The following SHOC2 variants were observed in gnomAD, a reference collection of about 807,000 sequenced individuals.
The protein encoded by SHOC2 is leucine-rich repeat protein SHOC-2.
A neutral mutation model predicts 50.2 loss-of-function variants in SHOC2; 4 were observed. The observed-to-expected ratio is 0.08, with a 90% confidence interval of 0.04 to 0.18. The LOEUF is 0.18. Among genes scored for constraint, SHOC2 ranks in the 10% least tolerant of loss-of-function variants. SHOC2 has a pLI of 1.00. For synonymous variants in SHOC2, 218 were observed against 244.5 expected, an observed-to-expected ratio of 0.89 and a Z score of 1.01; for missense variants, 388 against 669.6, an observed-to-expected ratio of 0.58 and a Z score of 4.64.
intron 1 of SHOC2, among the ~76,000 whole-genome samples, chr10:110,953,930 A>G (rs1847407833): frequency 6.6e-6 from 1 of 151,046 alleles, no homozygotes; most frequent in Admixed American, 6.6e-5. Flanking sequence ...TATTTAACCT[A>G]AGTGAAGTCA....
intron 2 of SHOC2, among the ~76,000 whole-genome samples, chr10:110,966,276 T>C (rs1253087352): frequency 6.6e-6 from 1 of 152,122 alleles, no homozygotes; most frequent in East Asian, 1.9e-4. Flanking sequence ...TAATATACTG[T>C]AGAGTATGAC....
In SHOC2 at chr10:111,009,286, C is replaced by T; in HGVS notation, c.1323C>T (p.Pro441=). Reference sequence around the variant, plus strand: ...CAAACAATCTTCTAAAGAAGCTTCCCCATGGTCTTGGAAACCTTAGGAAGT... The same window carrying T: ...CAAACAATCTTCTAAAGAAGCTTCCTCATGGTCTTGGAAACCTTAGGAAGT... The part of the protein sequence containing the change: ...ILSNNLLKKL[P]HGLGNLRKLR... Residue 441 remains proline, a synonymous_variant, in exon 7 of 9, where the codon CCC becomes CCT. Coordinates refer to ENST00000369452, the MANE Select transcript of SHOC2 (RefSeq NM_007373.4). The T allele has an allele frequency of 6.3e-7, 1 of 1,589,956 alleles. No individual in the cohort carries two copies. Among genetic ancestry groups the T allele is most frequent in the East Asian group, 2.2e-5 (1 of 44,578 alleles).
intron 1 of SHOC2, among the ~76,000 whole-genome samples, chr10:110,960,216 C>G (rs1047799465): frequency 1.3e-5 from 2 of 152,204 alleles, no homozygotes; most frequent in Non-Finnish European, 2.9e-5. Context: ...AACACAGCCA[C>G]TCTTACTCAT....
chr10:110,953,786 A>T (rs1329712894), intron 1 of SHOC2, among the ~76,000 whole-genome samples: 1 of 151,650 alleles, frequency 6.6e-6, no homozygotes, highest in African/African-American at 2.4e-5. Context: ...TAAACCTACC[A>T]TCTTATGCCA....
Position 110,978,817 on chromosome 10 carries a change from T to G in SHOC2, c.704-6811T>G, listed in dbSNP as rs532532969. On this transcript the variant is annotated intron_variant, in intron 2 of 8. Coordinates refer to ENST00000369452, the MANE Select transcript of SHOC2 (RefSeq NM_007373.4). ...ACTCTTATAACCCTGAACTCTGTCC[T>G]TTGGCTTCTTAGGCAGTAGGACTCT... Among the ~76,000 whole-genome samples the G allele has an allele frequency of 5.3e-4, 80 of 152,358 alleles. No individual in the cohort carries two copies. The Middle Eastern group carries it at 0.014, about 26-fold the overall frequency.
intron 1 of SHOC2, among the ~76,000 whole-genome samples, chr10:110,922,717 C>A (rs1168079808): frequency 5.3e-5 from 8 of 151,960 alleles, no homozygotes; most frequent in Non-Finnish European, 2.9e-5. Flanking sequence ...ACTCACAAAT[C>A]CTTCAGTGAG....
At chr10:110,971,728 T>C (rs1847786352) in intron 2 of SHOC2, among the ~76,000 whole-genome samples, 1 of 152,174 alleles carries the variant, frequency 6.6e-6, no homozygotes, top group Non-Finnish European at 1.5e-5. Flanking sequence ...TTCATTGTTT[T>C]ACAGTTTTCA....
At chr10:110,984,782 A>G (rs1160762863) in intron 2 of SHOC2, among the ~76,000 whole-genome samples, 1 of 152,218 alleles carries the variant, frequency 6.6e-6, no homozygotes, top group Non-Finnish European at 1.5e-5. Context: ...TTAGAGTCCT[A>G]GTAAATTGAG....
chr10:110,975,158 CTTTT>C (rs200869891), intron 2 of SHOC2, among the ~76,000 whole-genome samples: 4 of 143,122 alleles, frequency 2.8e-5, no homozygotes, highest in African/African-American at 5.1e-5. Context: ...TCCCATGTTA[CTTTT>C]TTTTTTTTTT....
chr10:110,988,217 T>A (rs1010829911), intron 3 of SHOC2, among the ~76,000 whole-genome samples: 2 of 152,130 alleles, frequency 1.3e-5, no homozygotes, highest in African/African-American at 4.8e-5. Flanking sequence ...TGGTTTTTGG[T>A]TTCAGGGTAA....
chr10:111,000,876 C>T (rs932440433), intron 4 of SHOC2, among the ~76,000 whole-genome samples: 14 of 152,156 alleles, frequency 9.2e-5, no homozygotes, highest in African/African-American at 3.4e-4. Context: ...TAAGGAAAAA[C>T]TATATGGCTG....
intron 3 of SHOC2, among the ~76,000 whole-genome samples, chr10:110,994,558 A>G (rs1848237078): frequency 6.6e-6 from 1 of 152,200 alleles, no homozygotes. Context: ...AACACTTTAC[A>G]ATGGTTAAAT....
chr10:110,981,151 G>A (rs1036885275), intron 2 of SHOC2, among the ~76,000 whole-genome samples: 3 of 152,214 alleles, frequency 2.0e-5, no homozygotes, highest in African/African-American at 7.2e-5. Flanking sequence ...CTTTAATGGT[G>A]AAATTTTATA....
rs376101415 is a variant in SHOC2 at position 110,936,589 on chromosome 10, C to CTT, written c.-235+16946_-235+16947dup. 7.1e-4 allele frequency: 299 copies of CTT among 423,194 alleles called. 3 individuals are homozygous for CTT. Among genetic ancestry groups the CTT allele is most frequent in the African/African-American group, 3.8e-3 (140 of 36,400 alleles). 26.2% of individuals were successfully genotyped at this position (423,194 alleles called of 1,614,324 possible). On this transcript the variant is annotated intron_variant, in intron 1 of 8. Transcript: ENST00000369452. Reference sequence around the variant, plus strand: ...GGAAAGGGCATGTCCTTTTCTTTTCCTTTTTTTTTTTTTTTAACAGTCTTT... The same window carrying CTT: ...GGAAAGGGCATGTCCTTTTCTTTTCCTTTTTTTTTTTTTTTTTAACAGTCTTT...
intron 2 of SHOC2, among the ~76,000 whole-genome samples, chr10:110,975,620 G>GT (rs1019937799): frequency 1.5e-4 from 23 of 151,768 alleles, no homozygotes; most frequent in African/African-American, 5.6e-4. Flanking sequence ...TTCACGACTA[G>GT]TTTGAGTTTG....
rs538458273 is a variant in SHOC2 at position 111,001,343 on chromosome 10, G to T, written c.972+798G>T. Among the ~76,000 whole-genome samples the T allele has an allele frequency of 2.7e-3, 415 of 151,822 alleles. 1 individual carries two copies. The highest frequency in any genetic ancestry group is 4.9e-3 in the Non-Finnish European group (332 of 67,870). ...TTAATTTTGTATTTTTAGTAGAGAT[G>T]GGGGTTTCACCATGTTGGCCAGGCT... On this transcript the variant is annotated intron_variant, in intron 4 of 8. Transcript: ENST00000369452.
intron 1 of SHOC2, among the ~76,000 whole-genome samples, chr10:110,947,801 C>T (rs1224222383): frequency 7.1e-6 from 1 of 140,948 alleles, no homozygotes; most frequent in Non-Finnish European, 1.5e-5. Context: ...CAAAGGAAAA[C>T]ATTAAGAGAA....
chr10:110,989,551 C>T (rs1034626171), intron 3 of SHOC2, among the ~76,000 whole-genome samples: 1 of 152,196 alleles, frequency 6.6e-6, no homozygotes, highest in Non-Finnish European at 1.5e-5. Context: ...TTGAGGATCT[C>T]AGTAGAACTT....
intron 1 of SHOC2, among the ~76,000 whole-genome samples, chr10:110,961,039 T>C (rs1210152197): frequency 2.0e-5 from 3 of 152,128 alleles, no homozygotes; most frequent in Non-Finnish European, 2.9e-5. Flanking sequence ...AGCTAACATA[T>C]CAAGTGCTTC....
Sources: allele counts gnomAD v4.1 joint callset (sites outside exome capture counted in the v4.1 genomes callset), GRCh38; gene constraint gnomAD v4.1.1; transcripts MANE v1.5; gene names NCBI Gene and HGNC (gene_info 2026-07-23, HGNC 2026-07-21).